DNAH11: variants seen among roughly 807,000 people sequenced by gnomAD.
DNAH11 encodes the protein axonemal beta dynein heavy chain 11.
Under a neutral mutation model 526.0 loss-of-function variants are expected in DNAH11, and 442 were observed. The ratio of observed to expected loss-of-function variants is 0.84; its 90% CI spans 0.78 to 0.91. The LOEUF (loss-of-function observed/expected upper bound fraction) is 0.91, where lower values mean the gene tolerates loss of function less well. Ranked by LOEUF, DNAH11 falls within the 40% of genes least tolerant of loss-of-function variation. The pLI is 0.00. For synonymous variants in DNAH11, 2,461 were observed against 1,935.9 expected (o/e 1.27, Z -7.12); for missense variants, 6,989 against 5,448.7 (o/e 1.28, Z -8.90).
At position 21,683,820 on chromosome 7, in the gene DNAH11, C is replaced by T; in HGVS notation, c.5497C>T (p.Leu1833Phe). Residue 1833 changes from leucine to phenylalanine, a missense_variant, in exon 32 of 82, where the codon CTT becomes TTT. Leu to Phe is a conservative substitution (Grantham distance 22, BLOSUM62 0). Coordinates refer to ENST00000409508, the MANE Select transcript of DNAH11 (RefSeq NM_001277115.2). ...SPQAFTWLSQ[L>F]RHRWEDTQKH... ...CCAAGCTTTTACATGGCTGTCTCAA[C>T]TTCGTCACCGATGGGAGGATACCCA... 2 of 1,611,496 alleles carry T rather than the reference C, an allele frequency of 1.2e-6. No individual in the cohort carries two copies. The highest frequency in any genetic ancestry group is 1.7e-6 in the Non-Finnish European group (2 of 1,178,646).
At chr7:21,621,318 T>G (rs1786043583) in intron 25 of DNAH11, among the ~76,000 whole-genome samples, 1 of 152,164 alleles carries the variant, frequency 6.6e-6, no homozygotes, top group Admixed American at 6.5e-5. Flanking sequence ...TCCGAAATTG[T>G]GGCAATAATC....
At position 21,590,813 on chromosome 7, in the gene DNAH11, A is replaced by G. The variant is rs945948090; in HGVS notation, c.2170-105A>G. On this transcript the variant is annotated intron_variant, in intron 12 of 81. Transcript: ENST00000409508. ...AGTCTATTTACCTTGATTTGGAAAT[A>G]TAGTAATACTTGGATAACATCTTAA... is the stretch of plus-strand genomic sequence containing the variant. 13 of 694,390 alleles carry G rather than the reference A, an allele frequency of 1.9e-5. No homozygotes were observed. In the African/African-American group the frequency reaches 2.3e-4, roughly 12 times the overall value. The allele number at this position is 694,390 out of a possible 1,614,324, so 43.0% of individuals were successfully genotyped here.
At chr7:21,656,609 A>T (rs1318133978) in intron 29 of DNAH11, among the ~76,000 whole-genome samples, 3 of 152,100 alleles carry the variant, frequency 2.0e-5, no homozygotes, top group Non-Finnish European at 4.4e-5. Context: ...GTGTGTTCAG[A>T]TGATTTAGGG....
At chr7:21,573,267 C>G (rs1783963512) in intron 8 of DNAH11, among the ~76,000 whole-genome samples, 1 of 150,528 alleles carries the variant, frequency 6.6e-6, no homozygotes, top group South Asian at 2.1e-4. Flanking sequence ...TATATATCTG[C>G]TTGGTATTTG....
chr7:21,589,167 T>C lies in DNAH11; in HGVS notation c.1974-41T>C, dbSNP rs759014891. On this transcript the variant is annotated intron_variant, in intron 11 of 81. Coordinates refer to ENST00000409508, the MANE Select transcript of DNAH11 (RefSeq NM_001277115.2). ...TACAATTATTAAGCGGAAATCTATC[T>C]AATATACGTATAAACCAGTAGAAAA... The C allele has an allele frequency of 3.5e-6, 5 of 1,436,186 alleles. No individual in the cohort carries two copies. The South Asian group carries it at 6.7e-5, about 19-fold the overall frequency. The allele number at this position is 1,436,186 out of a possible 1,614,324, so 89.0% of individuals were successfully genotyped here.
chr7:21,866,350 G>A, intron 70 of DNAH11, 120 bp from the exon 71 acceptor site: 1 of 802,936 alleles, frequency 1.2e-6, no homozygotes, highest in Non-Finnish European at 1.8e-6. Context: ...ATCTGAAGAG[G>A]AGAGTGAATA....
In DNAH11 at chr7:21,559,012, C is replaced by T. The variant is rs773626660; in HGVS notation, c.692+14C>T. The stretch of plus-strand genomic sequence containing the variant: ...TTCAGAGAACAAGTACGTAACAGTA[C>T]AATATATACAGGATATTAAAGTAGA... On this transcript the variant is annotated intron_variant, in intron 3 of 81. Coordinates refer to ENST00000409508, the MANE Select transcript of DNAH11 (RefSeq NM_001277115.2). The T allele has an allele frequency of 2.6e-6, 4 of 1,555,604 alleles. No individual in the cohort carries two copies. The highest frequency in any genetic ancestry group is 2.6e-6 in the Non-Finnish European group (3 of 1,148,048).
chr7:21,628,438 T>A (rs10257773), intron 25 of DNAH11, among the ~76,000 whole-genome samples: 67,572 of 151,964 alleles, frequency 0.44, 15,459 homozygotes, highest in East Asian at 0.61. Flanking sequence ...ATTGTATATG[T>A]CCTTTACTAT....
At chr7:21,772,970 G>A (rs1787504211) in intron 55 of DNAH11, among the ~76,000 whole-genome samples, 2 of 152,222 alleles carry the variant, frequency 1.3e-5, no homozygotes, top group South Asian at 2.1e-4. Context: ...TAAATTATGT[G>A]TGACTTTCCT....
At chr7:21,600,251 A>G (rs72656002) in intron 15 of DNAH11, 132 bp downstream of exon 15, 10 of 778,336 alleles carry the variant, frequency 1.3e-5, no homozygotes, top group South Asian at 2.5e-5. Flanking sequence ...CTTGGGCCCA[A>G]GAGTTCAAGA....
At chr7:21,599,255 T>C (rs1005814207) in intron 14 of DNAH11, among the ~76,000 whole-genome samples, 4 of 152,194 alleles carry the variant, frequency 2.6e-5, no homozygotes, top group African/African-American at 9.6e-5. Flanking sequence ...CTGTTATTTT[T>C]TGACTTTTTA....
chr7:21,861,394 G>A (rs985206045), intron 68 of DNAH11, among the ~76,000 whole-genome samples: 2 of 152,164 alleles, frequency 1.3e-5, no homozygotes, highest in African/African-American at 4.8e-5. Flanking sequence ...AAAAATGTAT[G>A]GCCTTGAATC....
intron 57 of DNAH11, among the ~76,000 whole-genome samples, chr7:21,781,701 A>G (rs77425868): frequency 0.043 from 6,485 of 152,246 alleles, 282 homozygotes; most frequent in East Asian, 0.26. Flanking sequence ...AATTCTTATA[A>G]TCTAAAGGCA....
intron 57 of DNAH11, among the ~76,000 whole-genome samples, chr7:21,782,907 CAAA>C (rs747285978): frequency 4.7e-5 from 3 of 64,512 alleles, no homozygotes; most frequent in Non-Finnish European, 7.4e-5. Context: ...GAAACTGTCT[CAAA>C]AAAAAAAAAA....
chr7:21,655,762 T>A, intron 28 of DNAH11, 70 bp from the exon 29 acceptor site: 1 of 1,453,792 alleles, frequency 6.9e-7, no homozygotes, highest in Non-Finnish European at 9.4e-7. Context: ...TCATATGGCA[T>A]CATCTCTAGA....
intron 32 of DNAH11, among the ~76,000 whole-genome samples, chr7:21,686,876 G>T (rs1023177580): frequency 2.0e-5 from 3 of 152,064 alleles, no homozygotes; most frequent in Non-Finnish European, 4.4e-5. Flanking sequence ...AATAAACAAA[G>T]AAATACATTC....
intron 52 of DNAH11, 62 bp from the exon 53 acceptor site, chr7:21,749,616 C>T: frequency 1.9e-6 from 3 of 1,597,592 alleles, no homozygotes; most frequent in South Asian, 2.3e-5. Flanking sequence ...AGCACTCACA[C>T]ACAACCTCTC....
intron 73 of DNAH11, among the ~76,000 whole-genome samples, chr7:21,870,226 G>A (rs1245630526): frequency 3.3e-5 from 5 of 152,148 alleles, no homozygotes; most frequent in Admixed American, 3.3e-4. Context: ...CCTGAAAATA[G>A]CCACCCTCAT....
chr7:21,890,045 G>A (rs886984170), intron 76 of DNAH11, among the ~76,000 whole-genome samples: 13 of 152,172 alleles, frequency 8.5e-5, no homozygotes, highest in African/African-American at 2.4e-4. Context: ...GCTAGGGTAC[G>A]AGGAAGACCA....
Sources: allele counts gnomAD v4.1 joint callset (sites outside exome capture counted in the v4.1 genomes callset), GRCh38; gene constraint gnomAD v4.1.1; transcripts MANE v1.5; gene names NCBI Gene and HGNC (gene_info 2026-07-23, HGNC 2026-07-21).